Variants in PDE10A observed in about 807,000 individuals in gnomAD.
PDE10A encodes the protein cAMP and cAMP-inhibited cGMP 3',5'-cyclic phosphodiesterase 10A.
A neutral mutation model predicts 97.7 loss-of-function variants in PDE10A; 39 were observed. The ratio of observed to expected loss-of-function variants is 0.40; its 90% CI spans 0.31 to 0.52. The LOEUF (loss-of-function observed/expected upper bound fraction) is 0.52, where lower values mean the gene tolerates loss of function less well. Ranked by LOEUF, PDE10A falls within the 20% of genes least tolerant of loss-of-function variation. The pLI is 0.56. For missense variants in PDE10A, 731 were observed against 1,047.8 expected, an observed-to-expected ratio of 0.70 and a Z score of 4.17; for synonymous variants, 371 against 376.8, an observed-to-expected ratio of 0.98 and a Z score of 0.18.
chr6:165,742,993 C>T (rs987197303), intron 1 of PDE10A, among the ~76,000 whole-genome samples: 4 of 152,180 alleles, frequency 2.6e-5, no homozygotes, highest in Admixed American at 6.5e-5. Context: ...AAAGCACTGG[C>T]GCCTGCAGAT....
At chr6:165,939,074 A>G (rs1291550662) in intron 1 of PDE10A, among the ~76,000 whole-genome samples, 1 of 152,248 alleles carries the variant, frequency 6.6e-6, no homozygotes, top group Non-Finnish European at 1.5e-5. Context: ...AATTAATTAG[A>G]ATATACCAGT....
intron 2 of PDE10A, among the ~76,000 whole-genome samples, chr6:165,529,832 A>G (rs1782667820): frequency 6.6e-6 from 1 of 152,158 alleles, no homozygotes; most frequent in South Asian, 2.1e-4. Context: ...AACATTGCCT[A>G]TGATCGCAGG....
rs187536828 is a variant in PDE10A, at chr6:165,509,803, A to T, written c.995-27460T>A. Among the ~76,000 whole-genome samples the T allele has an allele frequency of 3.1e-4, 47 of 151,998 alleles. No homozygotes were observed. In the East Asian group the frequency reaches 7.9e-3, roughly 26 times the overall value. ...TACAGAGATCTCTCACCTCCTGGTT[A>T]AATTTATTCTTAGGTATTATATTTA... is the stretch of plus-strand genomic sequence containing the variant. On this transcript the variant is annotated intron_variant, in intron 2 of 21. Transcript: ENST00000539869.
chr6:165,476,649 T>C (rs150700413), intron 3 of PDE10A, among the ~76,000 whole-genome samples: 92 of 152,336 alleles, frequency 6.0e-4, no homozygotes, highest in African/African-American at 2.2e-3. Context: ...GCTCACCACA[T>C]ACTAGGTTAA....
intron 18 of PDE10A, among the ~76,000 whole-genome samples, chr6:165,360,355 G>A (rs763888936): frequency 1.3e-5 from 2 of 152,148 alleles, no homozygotes; most frequent in Non-Finnish European, 2.9e-5. Flanking sequence ...ACATCTCCCG[G>A]ATTCTACCCA....
At chr6:165,906,674 T>C (rs1044027158) in intron 1 of PDE10A, among the ~76,000 whole-genome samples, 70 of 151,958 alleles carry the variant, frequency 4.6e-4, no homozygotes, top group African/African-American at 1.6e-3. Flanking sequence ...AATGCACACA[T>C]GGGGAGGAAA....
intron 1 of PDE10A, among the ~76,000 whole-genome samples, chr6:165,640,647 G>T (rs950250761): frequency 6.6e-6 from 1 of 152,124 alleles, no homozygotes. Flanking sequence ...TCAGAAACGC[G>T]GAAACCACAA....
intron 1 of PDE10A, among the ~76,000 whole-genome samples, chr6:165,694,863 A>T (rs1791402988): frequency 6.6e-6 from 1 of 152,184 alleles, no homozygotes; most frequent in Non-Finnish European, 1.5e-5. Context: ...ACTGATCAAG[A>T]GTGTTACCTC....
intron 1 of PDE10A, among the ~76,000 whole-genome samples, chr6:165,578,667 G>A (rs2874932): frequency 0.61 from 91,658 of 151,320 alleles, 31,752 homozygotes; most frequent in Non-Finnish European, 0.78. Flanking sequence ...CTTTTTGGCC[G>A]CCAAACTCTT....
chr6:165,380,634 A>G (rs1428188838), intron 17 of PDE10A, among the ~76,000 whole-genome samples: 1 of 152,242 alleles, frequency 6.6e-6, no homozygotes, highest in Non-Finnish European at 1.5e-5. Context: ...TATAAAACTT[A>G]TATTAGTTCA....
At position 165,790,838 on chromosome 6, in the gene PDE10A, C is replaced by T. The variant is rs186591953; in HGVS notation, c.-615+196691G>A. 7.9e-5 allele frequency among the ~76,000 whole-genome samples: 12 copies of T among 152,218 alleles called. No individual in the cohort carries two copies. In the East Asian group the frequency reaches 1.4e-3, roughly 17 times the overall value. ...TACTAGCATTTACAACTTTTCCTAA[C>T]GTTTTTATTTGATTGACGAGAGTAC... On this transcript the variant is annotated intron_variant, in intron 1 of 19. Coordinates refer to the PDE10A transcript ENST00000366882.
chr6:165,423,596 G>A (rs186074633), intron 10 of PDE10A, among the ~76,000 whole-genome samples: 101 of 152,222 alleles, frequency 6.6e-4, no homozygotes, highest in South Asian at 2.1e-3. Context: ...GGCCGGGCGC[G>A]GTGGCTGACG....
chr6:165,899,225 A>T (rs1782036510), intron 1 of PDE10A, among the ~76,000 whole-genome samples: 1 of 152,224 alleles, frequency 6.6e-6, no homozygotes, highest in African/African-American at 2.4e-5. Flanking sequence ...TTTATTGTTG[A>T]AAGATACTTC....
chr6:165,659,014 G>A (rs949761603), intron 1 of PDE10A, among the ~76,000 whole-genome samples: 3 of 152,158 alleles, frequency 2.0e-5, no homozygotes, highest in African/African-American at 7.2e-5. Context: ...CTTTCTTTCT[G>A]TCTCTGGGGC....
chr6:165,418,552 C>A lies in PDE10A; in HGVS notation c.1796+83G>T, dbSNP rs527368330. ...AGTATGACAAGTATTGTCAGCATAC[C>A]TGTGAATAGGCACAGAAAAATGGGT... is the stretch of plus-strand genomic sequence containing the variant. On this transcript the variant is annotated intron_variant, in intron 11 of 21. Transcript: ENST00000539869. The surrounding 1 kb of genome is among the most constrained non-coding windows in gnomAD (Gnocchi z 4.8). 4 of 1,277,960 alleles carry A rather than the reference C, an allele frequency of 3.1e-6. No individual in the cohort carries two copies. The African/African-American group carries it at 5.9e-5, about 19-fold the overall frequency. The allele number at this position is 1,277,960 out of a possible 1,614,324, so 79.2% of individuals were successfully genotyped here. A position where few individuals can be genotyped will look rare whatever the true frequency, so the allele number is the denominator to read the frequency against.
chr6:165,641,196 GA>G lies in PDE10A; in HGVS notation c.865+20750del, dbSNP rs113320300. Among the ~76,000 whole-genome samples, 478 of 149,664 alleles carry G rather than the reference GA, an allele frequency of 3.2e-3. 1 individual carries two copies. The highest frequency in any genetic ancestry group is 0.011 in the African/African-American group (449 of 40,834). On this transcript the variant is annotated intron_variant, in intron 1 of 21. Transcript: ENST00000539869. Reference sequence around the variant, plus strand: ...TGACTGACGCCCAGAGGTCAACAAAGAAAAAAAAATGTTAAAAGTCATAAGA... The same window carrying G: ...TGACTGACGCCCAGAGGTCAACAAAGAAAAAAAATGTTAAAAGTCATAAGA...
intron 1 of PDE10A, among the ~76,000 whole-genome samples, chr6:165,776,443 A>G (rs1216887010): frequency 6.6e-6 from 1 of 152,264 alleles, no homozygotes; most frequent in Non-Finnish European, 1.5e-5. Context: ...CAGTAAAAGA[A>G]GGCAAATAAA....
At chr6:165,682,645 A>C (rs558388282) in intron 1 of PDE10A, among the ~76,000 whole-genome samples, 3 of 152,048 alleles carry the variant, frequency 2.0e-5, no homozygotes, top group Non-Finnish European at 4.4e-5. Flanking sequence ...TTCACCAGGC[A>C]CCAAATCTGC....
intron 1 of PDE10A, among the ~76,000 whole-genome samples, chr6:165,628,309 G>A (rs944108453): frequency 6.6e-6 from 1 of 152,060 alleles, no homozygotes; most frequent in Non-Finnish European, 1.5e-5. Context: ...TTAGCACAGT[G>A]CCTAAAATAG....
Sources: gnomAD v4.1 joint callset for allele counts (sites outside exome capture counted in the v4.1 genomes callset) on GRCh38, gnomAD v4.1.1 for gene constraint, Gnocchi (gnomAD v3.1) non-coding constraint, MANE v1.5 for transcripts, NCBI Gene and HGNC (gene_info 2026-07-23, HGNC 2026-07-21) for gene names.